MPRIP: variants seen among roughly 807,000 people sequenced by gnomAD.
MPRIP encodes the protein myosin phosphatase Rho interacting protein, also known as myosin phosphatase Rho-interacting protein.
A neutral mutation model predicts 234.9 loss-of-function variants in MPRIP; 59 were observed. The ratio of observed to expected loss-of-function variants is 0.25; its 90% CI spans 0.20 to 0.31. MPRIP has a LOEUF of 0.31. Among genes scored for constraint, MPRIP ranks in the 10% least tolerant of loss-of-function variants. MPRIP has a pLI of 1.00. For synonymous variants in MPRIP, 1,144 were observed against 1,263.9 expected, an observed-to-expected ratio of 0.91 and a Z score of 2.01; for missense variants, 2,436 against 3,071.0, an observed-to-expected ratio of 0.79 and a Z score of 4.89.
chr17:17,131,387 C>T (rs1411109111), intron 4 of MPRIP, among the ~76,000 whole-genome samples: 2 of 152,244 alleles, frequency 1.3e-5, no homozygotes, highest in Non-Finnish European at 2.9e-5. Context: ...GAGGCCATGG[C>T]CAGGCCAGGC....
Position 17,143,578 on chromosome 17 carries a change from C to CT in MPRIP, c.1412_1413insT (p.Ala472SerfsTer43), listed in dbSNP as rs754350507. The CT allele has an allele frequency of 6.2e-7, 1 of 1,600,612 alleles. No individual in the cohort carries two copies. The highest frequency in any genetic ancestry group is 1.1e-5 in the South Asian group (1 of 87,964). On this transcript the variant is annotated frameshift_variant, in exon 9 of 24. Transcript: ENST00000651222. LOFTEE classifies it high-confidence loss of function. The stretch of plus-strand genomic sequence containing the variant: ...CAGGACTTCACCAATGAAGCCCCCC[C>CT]AGCTCCTCTCCCAGACGCCTCGGCT...
intron 1 of MPRIP, among the ~76,000 whole-genome samples, chr17:17,061,647 G>T (rs1435157692): frequency 6.6e-6 from 1 of 152,174 alleles, no homozygotes; most frequent in African/African-American, 2.4e-5. Context: ...ACAGGTGTGG[G>T]TCCTTCTTCA....
chr17:17,101,738 T>C (rs2089965917), intron 3 of MPRIP, among the ~76,000 whole-genome samples: 1 of 152,208 alleles, frequency 6.6e-6, no homozygotes, highest in Admixed American at 6.5e-5. Flanking sequence ...GTTCTAGAAA[T>C]AGAATGGAAA....
At chr17:17,133,317 A>G (rs902993020) in intron 5 of MPRIP, among the ~76,000 whole-genome samples, 1 of 152,150 alleles carries the variant, frequency 6.6e-6, no homozygotes, top group East Asian at 1.9e-4. Flanking sequence ...GCTTGTTTCC[A>G]GAAGCTTTGA....
At chr17:17,047,181 A>C (rs1321285433) in intron 1 of MPRIP, among the ~76,000 whole-genome samples, 3 of 152,198 alleles carry the variant, frequency 2.0e-5, no homozygotes, top group Non-Finnish European at 4.4e-5. Flanking sequence ...ACTCCTTCTC[A>C]AAAAAGTAAT....
chr17:17,124,335 G>A (rs915959371), intron 3 of MPRIP, among the ~76,000 whole-genome samples: 9 of 152,202 alleles, frequency 5.9e-5, no homozygotes, highest in Non-Finnish European at 1.3e-4. Flanking sequence ...GGGGGCCGGT[G>A]GATGATCCCT....
chr17:17,150,015 G>A (rs2045565350), intron 11 of MPRIP, 129 bp from the exon 12 acceptor site: 2 of 695,996 alleles, frequency 2.9e-6, no homozygotes, highest in African/African-American at 1.8e-5. Context: ...GATAGACGGT[G>A]TCCTCACTTG....
intron 1 of MPRIP, among the ~76,000 whole-genome samples, chr17:17,071,598 A>G (rs949897413): frequency 5.9e-5 from 9 of 152,160 alleles, no homozygotes; most frequent in Non-Finnish European, 1.3e-4. Flanking sequence ...ACTGTTTTTG[A>G]AAGAGCTTCA....
chr17:17,128,650 C>G (rs1158841431), intron 4 of MPRIP, among the ~76,000 whole-genome samples: 1 of 152,188 alleles, frequency 6.6e-6, no homozygotes, highest in Non-Finnish European at 1.5e-5. Context: ...CTTCCCCTTC[C>G]CCTCGCCCTG....
chr17:17,160,164 C>G (rs1357853036), intron 14 of MPRIP, among the ~76,000 whole-genome samples: 1 of 152,102 alleles, frequency 6.6e-6, no homozygotes, highest in Non-Finnish European at 1.5e-5. Flanking sequence ...GTCAAGAGAT[C>G]AAGACCATCC....
At chr17:17,068,926 A>G (rs1597745664) in intron 1 of MPRIP, among the ~76,000 whole-genome samples, 1 of 152,252 alleles carries the variant, frequency 6.6e-6, no homozygotes, top group South Asian at 2.1e-4. Flanking sequence ...ATAGAAGCTT[A>G]GATTATTTAT....
In MPRIP at chr17:17,076,089, A is replaced by G. The variant is rs2089320875; in HGVS notation, c.201+302A>G. The stretch of plus-strand genomic sequence containing the variant: ...GGCAAAAGAGCAGTTAAAGGTTTGC[A>G]TTATACCGAGCAGCTCCCAATTCCT... On this transcript the variant is annotated intron_variant, in intron 2 of 23. Coordinates refer to ENST00000651222, the MANE Select transcript of MPRIP (RefSeq NM_001364716.4). The G allele has an allele frequency of 3.2e-5, 10 of 310,972 alleles. No individual in the cohort carries two copies. In the East Asian group the frequency reaches 4.0e-4, roughly 13 times the overall value. The allele number at this position is 310,972 out of a possible 1,614,324, so 19.3% of individuals were successfully genotyped here. A position where few individuals can be genotyped will look rare whatever the true frequency, so the allele number is the denominator to read the frequency against.
At chr17:17,143,799 A>G (rs1014755186) in intron 9 of MPRIP, 130 bp downstream of exon 9, 1 of 472,498 alleles carries the variant, frequency 2.1e-6, no homozygotes, top group Non-Finnish European at 3.6e-6. Context: ...GTCCGTGAGC[A>G]CCCCCACCCA....
At chr17:17,051,539 C>T (rs544760907) in intron 1 of MPRIP, among the ~76,000 whole-genome samples, 2 of 146,060 alleles carry the variant, frequency 1.4e-5, no homozygotes, top group African/African-American at 4.9e-5. Context: ...CATCCTGGGG[C>T]GGGGTGGCGG....
At chr17:17,058,520 G>A (rs1257587350) in intron 1 of MPRIP, among the ~76,000 whole-genome samples, 1 of 149,482 alleles carries the variant, frequency 6.7e-6, no homozygotes, top group Non-Finnish European at 1.5e-5. Context: ...AGGGGCCATG[G>A]AGAGTGGGGA....
chr17:17,150,287 CAG>C, intron 12 of MPRIP, 54 bp downstream of exon 12: 1 of 1,358,140 alleles, frequency 7.4e-7, no homozygotes, highest in Non-Finnish European at 1.1e-6. Flanking sequence ...GGATGCATGT[CAG>C]AGTGCCTAAT....
chr17:17,068,430 A>G (rs1311083381), intron 1 of MPRIP, among the ~76,000 whole-genome samples: 1 of 151,944 alleles, frequency 6.6e-6, no homozygotes, highest in Admixed American at 6.6e-5. Context: ...AATTACAGGC[A>G]TGAACCACCG....
intron 1 of MPRIP, among the ~76,000 whole-genome samples, chr17:17,062,666 C>T (rs2088902255): frequency 6.6e-6 from 1 of 152,220 alleles, no homozygotes; most frequent in Non-Finnish European, 1.5e-5. Flanking sequence ...ATAGTGTGGG[C>T]GGTGCCCTGG....
At chr17:17,118,539 C>G (rs2090329107) in intron 3 of MPRIP, among the ~76,000 whole-genome samples, 1 of 152,200 alleles carries the variant, frequency 6.6e-6, no homozygotes, top group Non-Finnish European at 1.5e-5. Flanking sequence ...CATGCAGCTT[C>G]AGGAGGCTAC....
Sources: allele counts gnomAD v4.1 joint callset (sites outside exome capture counted in the v4.1 genomes callset), GRCh38; gene constraint gnomAD v4.1.1; transcripts MANE v1.5; gene names NCBI Gene and HGNC (gene_info 2026-07-23, HGNC 2026-07-21).